The following PLEKHA7 variants were observed in gnomAD, a reference collection of about 807,000 sequenced individuals.
PLEKHA7 encodes the protein pleckstrin homology domain-containing family A member 7.
Under a neutral mutation model 170.0 loss-of-function variants are expected in PLEKHA7, and 104 were observed. That is an observed-to-expected ratio of 0.61 (90% CI 0.52 to 0.72). The LOEUF (loss-of-function observed/expected upper bound fraction) is 0.72. Among genes scored for constraint, PLEKHA7 ranks in the 30% least tolerant of loss-of-function variants. The probability of loss-of-function intolerance (pLI) is 0.00; values close to 1 mark genes in which losing one functional copy is unlikely to be tolerated. For missense variants in PLEKHA7, 1,615 were observed against 1,671.7 expected (o/e 0.97, Z 0.59); for synonymous variants, 648 against 660.8 (o/e 0.98, Z 0.30).
intron 23 of PLEKHA7, chr11:16,787,719 T>G (rs1168403469): frequency 6.6e-6 from 1 of 152,196 alleles, no homozygotes; most frequent in Non-Finnish European, 1.5e-5. Context: ...GTCTTCTTTT[T>G]TAAGAGAAAA....
chr11:16,809,079 G>A (rs897674922), intron 13 of PLEKHA7, among the ~76,000 whole-genome samples: 1 of 152,248 alleles, frequency 6.6e-6, no homozygotes, highest in Admixed American at 6.5e-5. Flanking sequence ...GGCAGGAACA[G>A]ATGCTTAATC....
intron 8 of PLEKHA7, among the ~76,000 whole-genome samples, chr11:16,844,890 T>C (rs1852264512): frequency 6.6e-6 from 1 of 152,160 alleles, no homozygotes; most frequent in African/African-American, 2.4e-5. Context: ...CAATAATGAA[T>C]CATTTATTGA....
intron 3 of PLEKHA7, among the ~76,000 whole-genome samples, chr11:16,982,820 CAGAG>C (rs1320273551): frequency 7.6e-6 from 1 of 130,788 alleles, no homozygotes. Context: ...GAAAGAGAGA[CAGAG>C]AGAGAGAGGG....
rs759354216 is a variant in PLEKHA7 at position 16,803,227 on chromosome 11, G to A, written c.2076C>T (p.Asp692=). ...TCAGCGTGTCACTCTGCTCACTCACGTCAGTGTCGCTCTCAGCGATCTTCA... is the reference window on the plus strand; with the variant it reads ...TCAGCGTGTCACTCTGCTCACTCACATCAGTGTCGCTCTCAGCGATCTTCA... The part of the protein sequence containing the change: ...KPVKIAESDT[D]VKLSIFCEQD... Residue 692 remains aspartate, a splice_region_variant and synonymous_variant, in exon 14 of 27, where the codon GAC becomes GAT. Transcript: ENST00000531066. 4.3e-5 allele frequency: 70 copies of A among 1,613,282 alleles called. No homozygotes were observed. Among genetic ancestry groups the A allele is most frequent in the East Asian group, 4.0e-4 (18 of 44,886 alleles).
intron 3 of PLEKHA7, among the ~76,000 whole-genome samples, chr11:17,004,539 C>T (rs1411863003): frequency 2.0e-5 from 3 of 151,898 alleles, no homozygotes; most frequent in African/African-American, 4.8e-5. Flanking sequence ...ATTACAGGCA[C>T]GCACCACCAT....
At position 16,792,645 on chromosome 11, in the gene PLEKHA7, T is replaced by G. The variant is rs536912166; in HGVS notation, c.2746-1446A>C. On this transcript the variant is annotated intron_variant, in intron 19 of 26. Transcript: ENST00000531066. ...AAAGAACCCACAGGCTTCTGGTTGC[T>G]GGCAGTGTTCTATTTCTTAGTCTAG... Among the ~76,000 whole-genome samples, 94 of 152,352 alleles carry G rather than the reference T, an allele frequency of 6.2e-4. 1 individual carries two copies. Among genetic ancestry groups the G allele is most frequent in the African/African-American group, 2.2e-3 (93 of 41,584 alleles).
At chr11:16,786,193 T>C (rs192409481) in intron 24 of PLEKHA7, 36 bp downstream of exon 24, 56 of 1,531,644 alleles carry the variant, frequency 3.7e-5, no homozygotes, top group Non-Finnish European at 4.8e-5. Context: ...GAAGGCCATG[T>C]CTCCTGGAGG....
intron 3 of PLEKHA7, among the ~76,000 whole-genome samples, chr11:16,889,311 A>G (rs569008233): frequency 6.0e-5 from 9 of 149,694 alleles, no homozygotes; most frequent in African/African-American, 2.2e-4. Context: ...CCCAACTCCT[A>G]TAAAGCAACC....
chr11:16,914,887 C>T (rs1858521684), intron 3 of PLEKHA7, among the ~76,000 whole-genome samples: 1 of 152,216 alleles, frequency 6.6e-6, no homozygotes, highest in Non-Finnish European at 1.5e-5. Flanking sequence ...GACCCCAAGA[C>T]AAGAAAGGTT....
intron 10 of PLEKHA7, 24 bp downstream of exon 10, chr11:16,826,096 A>T (rs748078323): frequency 6.3e-7 from 1 of 1,599,466 alleles, no homozygotes; most frequent in South Asian, 1.1e-5. Flanking sequence ...CGTTATAAGC[A>T]GCGATCCTGA....
chr11:16,914,187 AT>A (rs1201415535), intron 3 of PLEKHA7, among the ~76,000 whole-genome samples: 2 of 152,228 alleles, frequency 1.3e-5, no homozygotes, highest in Non-Finnish European at 2.9e-5. Context: ...AGAAAGGGAA[AT>A]TTACCAAAAC....
chr11:16,842,449 G>C (rs537202581), intron 8 of PLEKHA7: 1 of 152,278 alleles, frequency 6.6e-6, no homozygotes, highest in East Asian at 1.9e-4. Context: ...GGGTATACTA[G>C]TAGCTGCAGT....
chr11:16,959,163 G>A (rs1232835434), intron 3 of PLEKHA7, among the ~76,000 whole-genome samples: 4 of 152,132 alleles, frequency 2.6e-5, no homozygotes, highest in Non-Finnish European at 4.4e-5. Context: ...TGGGTTTGTC[G>A]TACAGATTAT....
chr11:16,933,100 C>G (rs551250076), intron 3 of PLEKHA7, among the ~76,000 whole-genome samples: 1 of 152,196 alleles, frequency 6.6e-6, no homozygotes, highest in Admixed American at 6.5e-5. Context: ...GGATTAAGGA[C>G]GATAAAAACC....
In PLEKHA7 at chr11:16,782,814, T is replaced by TGCGCTC; in HGVS notation, c.3727_3732dup (p.Glu1243_Arg1244dup). On this transcript the variant is annotated inframe_insertion, in exon 26 of 27. Coordinates refer to ENST00000531066, the MANE Select transcript of PLEKHA7 (RefSeq NM_001329630.2). The stretch of plus-strand genomic sequence containing the variant: ...GCCAGGGCGTAGGAGATGTTGATGA[T>TGCGCTC]GCGCTCCTGCTCCTGCAGCTGCAAG... The TGCGCTC allele has an allele frequency of 2.6e-6, 4 of 1,536,152 alleles. No homozygotes were observed. Among genetic ancestry groups the TGCGCTC allele is most frequent in the Non-Finnish European group, 3.5e-6 (4 of 1,146,904 alleles).
At chr11:16,836,647 T>C (rs1273833732) in intron 9 of PLEKHA7, among the ~76,000 whole-genome samples, 1 of 152,220 alleles carries the variant, frequency 6.6e-6, no homozygotes, top group African/African-American at 2.4e-5. Context: ...GAACATCTTA[T>C]TCTGGAAAAA....
At chr11:16,928,449 T>C (rs1859714935) in intron 3 of PLEKHA7, among the ~76,000 whole-genome samples, 1 of 151,958 alleles carries the variant, frequency 6.6e-6, no homozygotes, top group Non-Finnish European at 1.5e-5. Flanking sequence ...CCAGATTTTT[T>C]TTTTTTTTTT....
At position 17,014,365 on chromosome 11, in the gene PLEKHA7, C is replaced by A. The variant is rs749402099; in HGVS notation, c.37G>T (p.Glu13Ter). The change falls in exon 1 of 27, where the codon GAG (glutamate) becomes TAG (stop). Residue 13 changes from glutamate to a stop codon, truncating the protein, a stop_gained. Transcript: ENST00000531066. LOFTEE classifies it high-confidence loss of function. ...CGGCACACCCCGTAGGACCAATGCT[C>A]AGGTAAAGTGTCCCGCCCGACCGTC... ...AATVGRDTLP[E>*]HWSYGVCRDG... The A allele has an allele frequency of 1.4e-6, 2 of 1,432,222 alleles. No individual in the cohort carries two copies. Among genetic ancestry groups the A allele is most frequent in the South Asian group, 3.0e-5 (2 of 67,782 alleles). 88.7% of individuals were successfully genotyped at this position (1,432,222 alleles called of 1,614,324 possible).
intron 8 of PLEKHA7, among the ~76,000 whole-genome samples, chr11:16,843,670 G>T (rs392706): frequency 0.1 from 15,971 of 152,212 alleles, 907 homozygotes; most frequent in East Asian, 0.16. Context: ...CCAGGCACAG[G>T]GGCTCACACC....
Sources: allele counts gnomAD v4.1 joint callset (sites outside exome capture counted in the v4.1 genomes callset), GRCh38; gene constraint gnomAD v4.1.1; transcripts MANE v1.5; gene names NCBI Gene and HGNC (gene_info 2026-07-23, HGNC 2026-07-21).